TTC39A: variants seen among roughly 807,000 people sequenced by gnomAD.
TTC39A encodes the protein tetratricopeptide repeat protein 39A.
A neutral mutation model predicts 82.3 loss-of-function variants in TTC39A; 46 were observed. The ratio of observed to expected loss-of-function variants is 0.56; its 90% confidence interval spans 0.44 to 0.71. The LOEUF (loss-of-function observed/expected upper bound fraction) is 0.71. TTC39A is among the 30% of genes least tolerant of loss of function. TTC39A has a pLI of 0.00. For synonymous variants in TTC39A, 254 were observed against 275.2 expected (o/e 0.92, Z 0.76); for missense variants, 543 against 712.9 (o/e 0.76, Z 2.71).
intron 11 of TTC39A, 148 bp from the exon 12 acceptor site, chr1:51,301,881 G>T: frequency 8.7e-7 from 1 of 1,146,952 alleles, no homozygotes; most frequent in Non-Finnish European, 1.2e-6. Context: ...GGCCCCAGGA[G>T]CCAGGAGATC....
At chr1:51,334,196 A>AT (rs143057965), upstream of TTC39A, among the ~76,000 whole-genome samples, 3,507 of 125,112 alleles carry the variant, frequency 0.028, 131 homozygotes, top group African/African-American at 0.092. Context: ...CTGTCTCTAC[A>AT]AAAAAAAAAA....
At chr1:51,301,858 T>C in intron 11 of TTC39A, 125 bp from the exon 12 acceptor site, 1 of 1,408,170 alleles carries the variant, frequency 7.1e-7, no homozygotes, top group Non-Finnish European at 9.5e-7. Flanking sequence ...AGCCCTGTGC[T>C]AGGCTCAGGT....
intron 1 of TTC39A, among the ~76,000 whole-genome samples, chr1:51,342,810 G>T (rs948594436): frequency 3.9e-5 from 6 of 152,260 alleles, no homozygotes; most frequent in African/African-American, 1.4e-4. Context: ...GGATGCAGAG[G>T]CCTCTGCTTG....
At chr1:51,330,900 GCCGTCACCATCCTC>G (rs769096197), upstream of TTC39A, 2 of 599,836 alleles carry the variant, frequency 3.3e-6, no homozygotes, top group Non-Finnish European at 6.0e-6. The surrounding 1 kb of genome is among the most constrained non-coding windows in gnomAD (Gnocchi z 4.5). Context: ...CCCCACCTGA[GCCGTCACCATCCTC>G]CCGCATTAAT....
intron 12 of TTC39A, chr1:51,299,192 C>G (rs377428495): frequency 1.2e-4 from 18 of 151,782 alleles, no homozygotes; most frequent in African/African-American, 3.9e-4. Context: ...ACTGCTCTTT[C>G]TGGGGGGGCG....
At chr1:51,313,460 G>A (rs547215952) in intron 2 of TTC39A, among the ~76,000 whole-genome samples, 1 of 152,054 alleles carries the variant, frequency 6.6e-6, no homozygotes, top group Non-Finnish European at 1.5e-5. Flanking sequence ...TCTGATCATG[G>A]TGCCCAGTGG....
rs1645855382 is a variant in TTC39A at position 51,330,244 on chromosome 1, C to T, written c.41+193G>A. 1 of 980,740 alleles carries T rather than the reference C, an allele frequency of 1.0e-6. No individual in the cohort carries two copies. The highest frequency in any genetic ancestry group is 1.2e-6 in the Non-Finnish European group (1 of 825,898). The allele number at this position is 980,740 out of a possible 1,614,324, so 60.8% of individuals were successfully genotyped here. A position where few individuals can be genotyped will look rare whatever the true frequency, so the allele number is the denominator to read the frequency against. On this transcript the variant is annotated intron_variant, in intron 1 of 17. Transcript: ENST00000680483. The surrounding 1 kb of genome is among the most constrained non-coding windows in gnomAD (Gnocchi z 4.5). ...TGACCGACCCGGGGTCCCCGCGCCT[C>T]CGCCTCCTCACAGCCCCCTGCCCCC...
upstream of TTC39A, chr1:51,330,656 GGGCCAT>G: frequency 2.0e-6 from 2 of 979,218 alleles, no homozygotes. This position sits in a 1 kb window ranked among gnomAD's most constrained non-coding sequence, Gnocchi z 4.5. Context: ...CCGCACCGTA[GGGCCAT>G]GGCCGCCCGC....
intron 6 of TTC39A, among the ~76,000 whole-genome samples, chr1:51,306,651 C>T (rs1229323764): frequency 1.3e-5 from 2 of 152,212 alleles, no homozygotes; most frequent in African/African-American, 4.8e-5. Flanking sequence ...CTCCTGGTTA[C>T]CAACTGCACA....
At chr1:51,320,131 AAGGAT>A (rs1051435477) in intron 2 of TTC39A, among the ~76,000 whole-genome samples, 41 of 152,172 alleles carry the variant, frequency 2.7e-4, no homozygotes, top group African/African-American at 9.9e-4. Flanking sequence ...CTGTCCTCCC[AAGGAT>A]AGGTTTCCAG....
At chr1:51,318,365 G>A (rs903155333) in intron 2 of TTC39A, among the ~76,000 whole-genome samples, 31 of 152,172 alleles carry the variant, frequency 2.0e-4, no homozygotes, top group African/African-American at 6.5e-4. Flanking sequence ...AGCAGGCTGC[G>A]GCTGGGCCTG....
At chr1:51,289,039 A>G (rs1264596312) in intron 16 of TTC39A, 84 bp from the exon 17 acceptor site, 3 of 1,311,874 alleles carry the variant, frequency 2.3e-6, no homozygotes, top group African/African-American at 2.9e-5. Context: ...CCGAACTCCA[A>G]TTTTGGGAGG....
intron 12 of TTC39A, among the ~76,000 whole-genome samples, chr1:51,296,528 A>C (rs1214190919): frequency 2.0e-5 from 3 of 152,254 alleles, no homozygotes; most frequent in African/African-American, 7.2e-5. Context: ...AAATTCCCTG[A>C]GGCCCCAGAC....
intron 6 of TTC39A, among the ~76,000 whole-genome samples, chr1:51,307,035 G>C (rs151198445): frequency 2.0e-5 from 3 of 152,138 alleles, no homozygotes; most frequent in Non-Finnish European, 2.9e-5. Flanking sequence ...AGAACAGCAC[G>C]TCCAAAGGCC....
At chr1:51,289,569 C>T (rs776579410) in intron 16 of TTC39A, among the ~76,000 whole-genome samples, 27 of 152,190 alleles carry the variant, frequency 1.8e-4, no homozygotes, top group Non-Finnish European at 3.5e-4. Context: ...CAACATCAGC[C>T]TTGGAAAGCC....
At chr1:51,322,310 T>G (rs1227184807) in intron 1 of TTC39A, 1 of 1,404,602 alleles carries the variant, frequency 7.1e-7, no homozygotes, top group African/African-American at 1.5e-5. Context: ...ACACTATGGG[T>G]CAGCAGCCCC....
chr1:51,306,241 CATG>C (rs1644863411), intron 6 of TTC39A, among the ~76,000 whole-genome samples, 165 bp from the exon 7 acceptor site: 1 of 152,154 alleles, frequency 6.6e-6, no homozygotes, highest in African/African-American at 2.4e-5. Context: ...CATCTCCCAC[CATG>C]ATAACACACT....
At chr1:51,313,119 G>A (rs1217006563) in intron 2 of TTC39A, among the ~76,000 whole-genome samples, 176 bp from the exon 3 acceptor site, 2 of 152,172 alleles carry the variant, frequency 1.3e-5, no homozygotes, top group Non-Finnish European at 1.5e-5. Flanking sequence ...AAAAGACCTC[G>A]GATTCTGTTT....
At chr1:51,336,046 T>A (rs957166181), upstream of TTC39A, among the ~76,000 whole-genome samples, 2 of 150,568 alleles carry the variant, frequency 1.3e-5, no homozygotes, top group Admixed American at 1.3e-4. Context: ...ACACCTGCAG[T>A]CTCTGCCAGC....
Sources: gnomAD v4.1 joint callset for allele counts (sites outside exome capture counted in the v4.1 genomes callset) on GRCh38, gnomAD v4.1.1 for gene constraint, Gnocchi (gnomAD v3.1) non-coding constraint, MANE v1.5 for transcripts, NCBI Gene and HGNC (gene_info 2026-07-23, HGNC 2026-07-21) for gene names.